Variants in TCHP observed in about 807,000 individuals in gnomAD.
The protein encoded by TCHP is trichoplein keratin filament-binding protein.
In TCHP, 81 loss-of-function variants were observed where a neutral mutation model predicts 88.7. The ratio of observed to expected loss-of-function variants is 0.91; its 90% confidence interval spans 0.76 to 1.10. TCHP has a LOEUF of 1.10. Among genes scored for constraint, TCHP ranks in the 50% least tolerant of loss-of-function variants. The pLI, the probability that TCHP is intolerant of heterozygous loss-of-function variation, is 0.00. For synonymous variants in TCHP, 232 were observed against 232.5 expected, an observed-to-expected ratio of 1.00 and a Z score of 0.02; for missense variants, 641 against 632.1, an observed-to-expected ratio of 1.01 and a Z score of -0.15.
chr12:109,904,679 A>C, intron 3 of TCHP, 58 bp from the exon 4 acceptor site: 1 of 1,553,934 alleles, frequency 6.4e-7, no homozygotes, highest in Non-Finnish European at 8.8e-7. Flanking sequence ...GTGTCATCCA[A>C]AATGTGAATG....
chr12:109,882,130 T>TGAGATCGGATGTAGGGGTTTGGG, the TCHP span, among the ~76,000 whole-genome samples: 3 of 152,130 alleles, frequency 2.0e-5, no homozygotes, highest in Non-Finnish European at 4.4e-5. Flanking sequence ...GCCTGTTGGC[T>TGAGATCGGATGTAGGGGTTTGGG]GAGATCGGAT....
In TCHP at chr12:109,904,015, G is replaced by A; in HGVS notation, c.267G>A (p.Gln89=). 8 of 1,610,386 alleles carry A rather than the reference G, an allele frequency of 5.0e-6. No homozygotes were observed. Among genetic ancestry groups the A allele is most frequent in the Non-Finnish European group, 6.8e-6 (8 of 1,178,366 alleles). The change falls in exon 3 of 13, where the codon CAG becomes CAA. Residue 89 remains glutamine (Q), a synonymous_variant. Transcript: ENST00000405876. ...SLEARREKLR[Q]LMQEEQDLLA... Reference sequence around the variant, plus strand: ...AGGCCCGACGGGAAAAGCTCAGGCAGCTCATGCAGGAGGAGCAGGACCTGC... The same window carrying A: ...AGGCCCGACGGGAAAAGCTCAGGCAACTCATGCAGGAGGAGCAGGACCTGC...
the TCHP span, among the ~76,000 whole-genome samples, chr12:109,888,793 TTGA>T: frequency 2.0e-5 from 3 of 152,228 alleles, no homozygotes; most frequent in Admixed American, 1.3e-4. Flanking sequence ...CTGTGGCTGC[TTGA>T]TGATTTAAAA....
chr12:109,910,636 A>G (rs920290935), intron 8 of TCHP, among the ~76,000 whole-genome samples: 1 of 152,196 alleles, frequency 6.6e-6, no homozygotes, highest in Non-Finnish European at 1.5e-5. Flanking sequence ...GTTGATGTAC[A>G]TAGTAGCTAA....
rs761491550 is a variant in TCHP, at chr12:109,916,628, A to C, written c.*5A>C. ...CCAAAAATTGCTTGGAACTGACTTCATGGGTACCATAAGTACAGAGAACAA... is the reference window on the plus strand; with the variant it reads ...CCAAAAATTGCTTGGAACTGACTTCCTGGGTACCATAAGTACAGAGAACAA... On this transcript the variant is annotated 3_prime_UTR_variant, in exon 13 of 13. Coordinates refer to ENST00000405876, the MANE Select transcript of TCHP (RefSeq NM_001143852.2). 1.2e-6 allele frequency: 2 copies of C among 1,613,240 alleles called. No individual in the cohort carries two copies. Among genetic ancestry groups the C allele is most frequent in the African/African-American group, 2.7e-5 (2 of 74,906 alleles).
At chr12:109,909,199 C>T (rs1870341267) in intron 8 of TCHP, among the ~76,000 whole-genome samples, 1 of 152,130 alleles carries the variant, frequency 6.6e-6, no homozygotes, top group Non-Finnish European at 1.5e-5. Context: ...CCATGAAAAC[C>T]AACTGTGAGG....
chr12:109,915,561 A>G lies in TCHP; in HGVS notation c.1464+15A>G. ...ACCGGCCTAAGGTAGGAAGTCTGCCAGGATATAGGCCAACACCGGCAAGAC... is the reference window on the plus strand; with the variant it reads ...ACCGGCCTAAGGTAGGAAGTCTGCCGGGATATAGGCCAACACCGGCAAGAC... On this transcript the variant is annotated intron_variant, in intron 12 of 12. Transcript: ENST00000405876. 1 of 1,605,454 alleles carries G rather than the reference A, an allele frequency of 6.2e-7. No homozygotes were observed. The highest frequency in any genetic ancestry group is 8.5e-7 in the Non-Finnish European group (1 of 1,175,102).
intron 1 of TCHP, 31 bp from the exon 2 acceptor site, chr12:109,902,996 T>C (rs773777351): frequency 1.3e-6 from 2 of 1,566,658 alleles, no homozygotes; most frequent in South Asian, 2.3e-5. Flanking sequence ...GGATTTGCAG[T>C]GGCTCACTTT....
chr12:109,898,577 C>A (rs1461577377), upstream of TCHP, among the ~76,000 whole-genome samples: 1 of 151,916 alleles, frequency 6.6e-6, no homozygotes, highest in East Asian at 1.9e-4. Context: ...GATGAAGTGA[C>A]CTGCCCAAGA....
In TCHP at chr12:109,913,026, C is replaced by T. The variant is rs1483154744; in HGVS notation, c.1088C>T (p.Ala363Val). 3 of 1,613,768 alleles carry T rather than the reference C, an allele frequency of 1.9e-6. No individual in the cohort carries two copies. The highest frequency in any genetic ancestry group is 2.2e-5 in the East Asian group (1 of 44,880). The change falls in exon 10 of 13, where the codon GCA becomes GTA. Residue 363 changes from alanine to valine, a missense_variant. By Grantham distance (64) the Ala-to-Val change is moderately conservative. Coordinates refer to ENST00000405876, the MANE Select transcript of TCHP (RefSeq NM_001143852.2). ...AAGGAGATGTGGGAAAAGAGAGAGGCAGAGTGGGCCCGAGAGCGCAGCGCA... is the reference window on the plus strand; with the variant it reads ...AAGGAGATGTGGGAAAAGAGAGAGGTAGAGTGGGCCCGAGAGCGCAGCGCA... ...EAKEMWEKRE[A>V]EWARERSARD...
the TCHP span, among the ~76,000 whole-genome samples, chr12:109,887,077 T>C: frequency 6.6e-6 from 1 of 152,220 alleles, no homozygotes. Flanking sequence ...CACATACACA[T>C]TCATGTCTAT....
chr12:109,916,883 G>A lies in TCHP; in HGVS notation c.*260G>A, dbSNP rs1035575294. 1.1e-5 allele frequency: 5 copies of A among 440,790 alleles called. No individual in the cohort carries two copies. The highest frequency in any genetic ancestry group is 3.8e-5 in the South Asian group (1 of 26,044). The allele number at this position is 440,790 out of a possible 1,614,324, so 27.3% of individuals were successfully genotyped here. A position where few individuals can be genotyped will look rare whatever the true frequency, so the allele number is the denominator to read the frequency against. The stretch of plus-strand genomic sequence containing the variant: ...GTTTACAGCGCTGCTGCATAGTCTT[G>A]TAATATATTAACAGTCACATCAACT... On this transcript the variant is annotated 3_prime_UTR_variant, in exon 13 of 13. Coordinates refer to ENST00000405876, the MANE Select transcript of TCHP (RefSeq NM_001143852.2).
upstream of TCHP, among the ~76,000 whole-genome samples, chr12:109,895,752 C>G (rs895203978): frequency 3.3e-5 from 5 of 152,136 alleles, no homozygotes; most frequent in African/African-American, 7.2e-5. Context: ...TAATGGAGAG[C>G]GGCTCCCATA....
the TCHP span, among the ~76,000 whole-genome samples, chr12:109,885,284 T>A: frequency 6.6e-6 from 1 of 152,282 alleles, no homozygotes; most frequent in South Asian, 2.1e-4. Context: ...GACAGTAACT[T>A]TGTAGAATAT....
intron 1 of TCHP, among the ~76,000 whole-genome samples, chr12:109,902,145 A>G (rs1215128832): frequency 6.6e-6 from 1 of 152,134 alleles, no homozygotes; most frequent in African/African-American, 2.4e-5. Context: ...TGGCTGGCCC[A>G]CAGCTGGGTG....
intron 1 of TCHP, 30 bp from the exon 2 acceptor site, chr12:109,902,991 TGCAGTG>T: frequency 6.4e-7 from 1 of 1,555,906 alleles, no homozygotes; most frequent in Non-Finnish European, 8.7e-7. Context: ...TCCTGGGATT[TGCAGTG>T]GCTCACTTTC....
Position 109,905,132 on chromosome 12 carries a change from C to T in TCHP, c.456+339C>T, listed in dbSNP as rs147755047. ...GCCTGAGAGGATGAGCATGGGCCAG[C>T]GCACTCAACTCTGGAGGGGTTGGGG... is the stretch of plus-strand genomic sequence containing the variant. On this transcript the variant is annotated intron_variant, in intron 4 of 12. Coordinates refer to ENST00000405876, the MANE Select transcript of TCHP (RefSeq NM_001143852.2). This position sits in a 1 kb window ranked among gnomAD's most constrained non-coding sequence, Gnocchi z 4.0. 117 of 305,218 alleles carry T rather than the reference C, an allele frequency of 3.8e-4. No individual in the cohort carries two copies. The highest frequency in any genetic ancestry group is 1.6e-3 in the African/African-American group (73 of 46,394). The allele number at this position is 305,218 out of a possible 1,614,324, so 18.9% of individuals were successfully genotyped here. A position where few individuals can be genotyped will look rare whatever the true frequency, so the allele number is the denominator to read the frequency against.
the TCHP span, among the ~76,000 whole-genome samples, chr12:109,887,333 A>C: frequency 6.6e-6 from 1 of 150,958 alleles, no homozygotes; most frequent in Non-Finnish European, 1.5e-5. Flanking sequence ...GAGGCAGGAG[A>C]ATCGCTTGAA....
At chr12:109,916,497 A>G in intron 12 of TCHP, 94 bp from the exon 13 acceptor site, 1 of 1,301,914 alleles carries the variant, frequency 7.7e-7, no homozygotes, top group African/African-American at 1.5e-5. Context: ...AGCCATTTAT[A>G]TTGTTCTTTT....
Sources: allele counts gnomAD v4.1 joint callset (sites outside exome capture counted in the v4.1 genomes callset), GRCh38; gene constraint gnomAD v4.1.1; non-coding constraint Gnocchi (gnomAD v3.1); transcripts MANE v1.5; gene names NCBI Gene and HGNC (gene_info 2026-07-23, HGNC 2026-07-21).